The following ARHGEF28 variants were observed in gnomAD, a reference collection of about 807,000 sequenced individuals.
ARHGEF28 encodes Rho guanine nucleotide exchange factor 28, also known as 190 kDa guanine nucleotide exchange factor.
Under a neutral mutation model 206.6 loss-of-function variants are expected in ARHGEF28, and 152 were observed. That is an observed-to-expected ratio of 0.74 (90% CI 0.64 to 0.84). The LOEUF is 0.84. Ranked by LOEUF, ARHGEF28 falls within the 40% of genes least tolerant of loss-of-function variation. ARHGEF28 has a pLI of 0.00. For synonymous variants in ARHGEF28, 763 were observed against 776.4 expected, an observed-to-expected ratio of 0.98 and a Z score of 0.29; for missense variants, 2,028 against 2,073.2, an observed-to-expected ratio of 0.98 and a Z score of 0.42.
At position 73,840,773 on chromosome 5, in the gene ARHGEF28, A is replaced by G. The variant is rs994459422; in HGVS notation, c.1427+13A>G. ...TAAAGAAAAGAAGGTAAGAGTCTAT[A>G]TTGTAGAGGAAAACTGTAGAACATC... is the stretch of plus-strand genomic sequence containing the variant. On this transcript the variant is annotated intron_variant, in intron 11 of 35. Transcript: ENST00000513042. The G allele has an allele frequency of 6.3e-6, 10 of 1,596,890 alleles. No homozygotes were observed. The African/African-American group carries it at 9.4e-5, about 15-fold the overall frequency.
chr5:73,754,588 A>T (rs2112407664), intron 4 of ARHGEF28, among the ~76,000 whole-genome samples: 1 of 152,344 alleles, frequency 6.6e-6, no homozygotes, highest in East Asian at 1.9e-4. Flanking sequence ...CATTCATTCA[A>T]CAAATACTTT....
intron 9 of ARHGEF28, among the ~76,000 whole-genome samples, chr5:73,823,217 G>A (rs1756701940): frequency 6.6e-6 from 1 of 152,204 alleles, no homozygotes; most frequent in South Asian, 2.1e-4. Flanking sequence ...GTTATGGAGA[G>A]TAAGTTTGGC....
At chr5:73,824,704 G>T (rs1250523985) in intron 9 of ARHGEF28, among the ~76,000 whole-genome samples, 1 of 152,078 alleles carries the variant, frequency 6.6e-6, no homozygotes, top group Non-Finnish European at 1.5e-5. Flanking sequence ...CTGACCTCAG[G>T]TGATTCACCC....
rs1160773180 is a variant in ARHGEF28 at position 73,870,100 on chromosome 5, C to T, written c.2457C>T (p.Leu819=). The T allele has an allele frequency of 1.2e-6, 2 of 1,613,858 alleles. No homozygotes were observed. The part of the protein sequence containing the change: ...DVVDSSLWSD[L]SSDAQEFEAE... ...TGGATTCTTCTCTGTGGAGTGACCT[C>T]AGCAGTGATGCCCAGGAGTTTGAAG... Residue 819 remains leucine, a synonymous_variant, in exon 21 of 36, where the codon CTC becomes CTT. Coordinates refer to ENST00000513042, the MANE Select transcript of ARHGEF28 (RefSeq NM_001177693.2).
At chr5:73,795,811 C>G (rs1754770391) in intron 9 of ARHGEF28, among the ~76,000 whole-genome samples, 1 of 152,110 alleles carries the variant, frequency 6.6e-6, no homozygotes, top group Admixed American at 6.5e-5. Context: ...ACCAAAATCC[C>G]ATTTTGATGC....
intron 1 of ARHGEF28, among the ~76,000 whole-genome samples, chr5:73,643,715 T>C (rs1744257742): frequency 6.6e-6 from 1 of 150,926 alleles, no homozygotes; most frequent in South Asian, 2.1e-4. Context: ...CTCAGGAGGC[T>C]GAGATGTGAG....
chr5:73,765,532 C>A (rs1027807633), intron 4 of ARHGEF28, among the ~76,000 whole-genome samples: 1 of 152,180 alleles, frequency 6.6e-6, no homozygotes, highest in Non-Finnish European at 1.5e-5. Flanking sequence ...ATCATATCTA[C>A]AAAACACCTA....
In ARHGEF28 at chr5:73,885,572, G is replaced by T. The variant is rs1235444835; in HGVS notation, c.3056-278G>T. Among the ~76,000 whole-genome samples the T allele has an allele frequency of 1.3e-5, 2 of 151,066 alleles. 1 individual carries two copies. Among genetic ancestry groups the T allele is most frequent in the Admixed American group, 1.3e-4 (2 of 15,150 alleles). On this transcript the variant is annotated intron_variant, in intron 24 of 35. Coordinates refer to ENST00000513042, the MANE Select transcript of ARHGEF28 (RefSeq NM_001177693.2). ...GTTCCCTGCAACCTCTACCTCCCAG[G>T]CTCAAACTCTCCTCCCACCTAAGCC...
chr5:73,832,242 A>G, intron 9 of ARHGEF28, 96 bp from the exon 10 acceptor site: 2 of 1,417,720 alleles, frequency 1.4e-6, no homozygotes, highest in East Asian at 2.4e-5. Context: ...TAAAAAATGC[A>G]CTTGACTTTT....
chr5:73,656,834 C>T (rs1271075944), intron 1 of ARHGEF28, among the ~76,000 whole-genome samples: 9 of 152,128 alleles, frequency 5.9e-5, no homozygotes, highest in African/African-American at 1.9e-4. Flanking sequence ...CTCTCCACTT[C>T]ACTCTGCTGC....
intron 2 of ARHGEF28, among the ~76,000 whole-genome samples, chr5:73,706,249 C>A (rs1748921997): frequency 6.6e-6 from 1 of 152,060 alleles, no homozygotes; most frequent in African/African-American, 2.4e-5. Flanking sequence ...CCAAGAGAGA[C>A]AGGAGAATCG....
chr5:73,910,356 G>C (rs1159922388), intron 34 of ARHGEF28, among the ~76,000 whole-genome samples: 1 of 123,144 alleles, frequency 8.1e-6, no homozygotes, highest in Non-Finnish European at 1.6e-5. Context: ...ACTCCAGCCT[G>C]GGTGACAAAA....
At chr5:73,769,660 G>T (rs539926450) in intron 4 of ARHGEF28, among the ~76,000 whole-genome samples, 34 of 152,242 alleles carry the variant, frequency 2.2e-4, no homozygotes, top group Non-Finnish European at 3.1e-4. Context: ...GGGTTTATAG[G>T]TAGGAATGGA....
chr5:73,675,967 G>A (rs1432807937), intron 1 of ARHGEF28, among the ~76,000 whole-genome samples: 10 of 151,758 alleles, frequency 6.6e-5, no homozygotes, highest in African/African-American at 1.9e-4. Flanking sequence ...GTGTGTCTGT[G>A]TGTGTAGTAT....
At chr5:73,785,832 G>A (rs2112469859) in intron 7 of ARHGEF28, among the ~76,000 whole-genome samples, 1 of 152,062 alleles carries the variant, frequency 6.6e-6, no homozygotes, top group East Asian at 1.9e-4. Flanking sequence ...AAGAAGAGAG[G>A]GCAAAATCAT....
intron 9 of ARHGEF28, among the ~76,000 whole-genome samples, chr5:73,806,834 T>G (rs1050430457): frequency 6.8e-6 from 1 of 146,840 alleles, no homozygotes; most frequent in Non-Finnish European, 1.5e-5. Context: ...ATATATCGTA[T>G]ATATGGTATA....
At chr5:73,648,089 A>C (rs1054083068) in intron 1 of ARHGEF28, among the ~76,000 whole-genome samples, 2 of 152,250 alleles carry the variant, frequency 1.3e-5, no homozygotes, top group African/African-American at 4.8e-5. Context: ...TTTAAGAATA[A>C]AAGCAAGTAT....
chr5:73,641,625 G>A (rs1037076453), intron 1 of ARHGEF28, among the ~76,000 whole-genome samples: 2 of 152,104 alleles, frequency 1.3e-5, no homozygotes. Flanking sequence ...GTCTTCTGGG[G>A]ATGAGTGGTA....
At chr5:73,730,052 G>C (rs925262210) in intron 2 of ARHGEF28, among the ~76,000 whole-genome samples, 1 of 152,068 alleles carries the variant, frequency 6.6e-6, no homozygotes, top group Non-Finnish European at 1.5e-5. Context: ...TGAATATATC[G>C]CCATCTAATT....
Sources: gnomAD v4.1 joint callset for allele counts (sites outside exome capture counted in the v4.1 genomes callset) on GRCh38, gnomAD v4.1.1 for gene constraint, MANE v1.5 for transcripts, NCBI Gene and HGNC (gene_info 2026-07-23, HGNC 2026-07-21) for gene names.